The following ALPK1 variants were observed in gnomAD, a reference collection of about 807,000 sequenced individuals.
ALPK1 encodes the protein alpha-protein kinase 1.
A neutral mutation model predicts 120.6 loss-of-function variants in ALPK1; 110 were observed. The observed-to-expected ratio is 0.91, with a 90% CI of 0.78 to 1.07. The LOEUF is 1.07. Ranked by LOEUF, ALPK1 falls within the 50% of genes least tolerant of loss-of-function variation. The pLI is 0.00. For synonymous variants in ALPK1, 582 were observed against 560.3 expected (o/e 1.04, Z -0.55); for missense variants, 1,498 against 1,483.9 (o/e 1.01, Z -0.16).
chr4:112,392,824 C>G (rs539415898), intron 4 of ALPK1, among the ~76,000 whole-genome samples: 21 of 152,326 alleles, frequency 1.4e-4, no homozygotes, highest in Admixed American at 5.9e-4. Context: ...AACCACTGCA[C>G]CTGGGTCTCT....
chr4:112,308,482 C>T (rs1351442712), intron 1 of ALPK1, among the ~76,000 whole-genome samples: 2 of 152,052 alleles, frequency 1.3e-5, no homozygotes, highest in African/African-American at 4.8e-5. Context: ...TCTCTTTTCA[C>T]TTCATTTCAT....
intron 2 of ALPK1, among the ~76,000 whole-genome samples, chr4:112,342,709 A>G (rs2148706774): frequency 6.6e-6 from 1 of 152,360 alleles, no homozygotes; most frequent in Admixed American, 6.5e-5. Context: ...CTGGATAAAA[A>G]CAGCCAGCAT....
chr4:112,441,454 A>T lies in ALPK1; in HGVS notation c.*244A>T. 1.8e-6 allele frequency: 1 copy of T among 569,952 alleles called. No individual in the cohort carries two copies. Among genetic ancestry groups the T allele is most frequent in the Non-Finnish European group, 3.1e-6 (1 of 319,914 alleles). 35.3% of individuals were successfully genotyped at this position (569,952 alleles called of 1,614,324 possible). On this transcript the variant is annotated 3_prime_UTR_variant, in exon 16 of 16. Coordinates refer to ENST00000650871, the MANE Select transcript of ALPK1 (RefSeq NM_025144.4). ...AACAGCCCCAACTCACCCATGAGGG[A>T]TGAAAAGCACTCTTGAGAAAGGCAT...
At chr4:112,305,568 T>G (rs1245573682) in intron 1 of ALPK1, among the ~76,000 whole-genome samples, 6 of 152,250 alleles carry the variant, frequency 3.9e-5, no homozygotes, top group Admixed American at 2.6e-4. Context: ...TATTGGTGTA[T>G]AAGAATGCTT....
intron 2 of ALPK1, among the ~76,000 whole-genome samples, chr4:112,345,973 C>T (rs1578484129): frequency 6.6e-6 from 1 of 152,206 alleles, no homozygotes; most frequent in African/African-American, 2.4e-5. Flanking sequence ...AAGCAATTCT[C>T]CTGTCTCAGC....
intron 1 of ALPK1, among the ~76,000 whole-genome samples, chr4:112,312,279 TC>T (rs1728438257): frequency 6.6e-6 from 1 of 152,042 alleles, no homozygotes; most frequent in South Asian, 2.1e-4. Flanking sequence ...AAATCTAGAT[TC>T]TTTTTTTTTT....
intron 4 of ALPK1, among the ~76,000 whole-genome samples, chr4:112,395,516 A>G (rs1420510653): frequency 1.3e-5 from 2 of 152,230 alleles, no homozygotes; most frequent in African/African-American, 4.8e-5. Flanking sequence ...ACTTTTACAC[A>G]GGCACATTAT....
intron 2 of ALPK1, among the ~76,000 whole-genome samples, chr4:112,365,738 C>T (rs1484489845): frequency 2.6e-5 from 4 of 151,970 alleles, no homozygotes; most frequent in Admixed American, 2.0e-4. Flanking sequence ...AAAAAGAGAC[C>T]GCATAGTCAA....
intron 2 of ALPK1, among the ~76,000 whole-genome samples, chr4:112,366,593 C>A (rs781428186): frequency 1.3e-5 from 2 of 152,172 alleles, no homozygotes; most frequent in Non-Finnish European, 2.9e-5. Flanking sequence ...TAATTTTACA[C>A]TGCTGGTGGG....
At chr4:112,354,620 A>C (rs545591742) in intron 2 of ALPK1, among the ~76,000 whole-genome samples, 5 of 152,258 alleles carry the variant, frequency 3.3e-5, no homozygotes, top group African/African-American at 1.2e-4. Flanking sequence ...AGCATGAGCC[A>C]CCATACCCAC....
chr4:112,313,401 G>A (rs879319931), intron 1 of ALPK1, among the ~76,000 whole-genome samples: 1 of 152,094 alleles, frequency 6.6e-6, no homozygotes, highest in Non-Finnish European at 1.5e-5. Context: ...CATGTTTTTG[G>A]CACATCAACT....
Position 112,379,080 on chromosome 4 carries a change from G to A in ALPK1, c.121+1182G>A, listed in dbSNP as rs114565447. Among the ~76,000 whole-genome samples the A allele has an allele frequency of 2.3e-3, 351 of 152,230 alleles. 3 individuals are homozygous for A. The highest frequency in any genetic ancestry group is 7.9e-3 in the African/African-American group (329 of 41,546). On this transcript the variant is annotated intron_variant, in intron 3 of 15. Coordinates refer to ENST00000650871, the MANE Select transcript of ALPK1 (RefSeq NM_025144.4). ...GCTGGCCCTAGTTCTCCCCAGGGGC[G>A]GTGTGTTGTGTTCTGTTGTTTCCAC... is the stretch of plus-strand genomic sequence containing the variant.
At chr4:112,359,253 G>C in intron 2 of ALPK1, 1 of 541,734 alleles carries the variant, frequency 1.8e-6, no homozygotes, top group Non-Finnish European at 3.3e-6. Flanking sequence ...AGGGAAGCAG[G>C]GCCAGCATGC....
chr4:112,433,813 C>A (rs1734677494), intron 11 of ALPK1, among the ~76,000 whole-genome samples: 1 of 152,186 alleles, frequency 6.6e-6, no homozygotes, highest in Admixed American at 6.5e-5. Context: ...TAGTTCTCAA[C>A]CCTGGCGCCA....
chr4:112,374,662 C>CTTAATT (rs1164170471), intron 2 of ALPK1, among the ~76,000 whole-genome samples: 2 of 152,146 alleles, frequency 1.3e-5, no homozygotes, highest in African/African-American at 2.4e-5. Context: ...TCTTCTAAGA[C>CTTAATT]TTAAAAGTTG....
intron 12 of ALPK1, among the ~76,000 whole-genome samples, chr4:112,437,960 T>C (rs1261830243): frequency 6.6e-6 from 1 of 152,230 alleles, no homozygotes; most frequent in Non-Finnish European, 1.5e-5. Context: ...AACTGTGCTA[T>C]TAGCTCTTGA....
chr4:112,340,093 G>A (rs1376968750), intron 2 of ALPK1, among the ~76,000 whole-genome samples: 1 of 152,204 alleles, frequency 6.6e-6, no homozygotes, highest in African/African-American at 2.4e-5. Flanking sequence ...ATGAGTCTGG[G>A]TATGGACAGA....
At chr4:112,424,046 C>T (rs753884499) in intron 6 of ALPK1, 43 bp downstream of exon 6, 27 of 1,564,496 alleles carry the variant, frequency 1.7e-5, no homozygotes, top group South Asian at 7.8e-5. Flanking sequence ...ACCTCAGCCC[C>T]GAACAGAGCA....
chr4:112,368,624 A>C (rs995396457), intron 2 of ALPK1, among the ~76,000 whole-genome samples: 4 of 152,222 alleles, frequency 2.6e-5, no homozygotes, highest in African/African-American at 9.6e-5. Flanking sequence ...GACTGGGAAC[A>C]CTACTAACCT....
Sources: gnomAD v4.1 joint callset for allele counts (sites outside exome capture counted in the v4.1 genomes callset) on GRCh38, gnomAD v4.1.1 for gene constraint, MANE v1.5 for transcripts, NCBI Gene and HGNC (gene_info 2026-07-23, HGNC 2026-07-21) for gene names.